The following DAB1 variants were observed in gnomAD, a reference collection of about 807,000 sequenced individuals.
The protein encoded by DAB1 is DAB adaptor protein 1, also known as disabled homolog 1.
A neutral mutation model predicts 64.6 loss-of-function variants in DAB1; 15 were observed. The ratio of observed to expected loss-of-function variants is 0.23; its 90% CI spans 0.16 to 0.36. The LOEUF is 0.36. Ranked by LOEUF, DAB1 falls within the 10% of genes least tolerant of loss-of-function variation. DAB1 has a pLI of 1.00. For synonymous variants in DAB1, 235 were observed against 251.9 expected (o/e 0.93, Z 0.64); for missense variants, 596 against 706.7 (o/e 0.84, Z 1.78).
chr1:57,629,228 A>G (rs1645958800), intron 7 of DAB1, among the ~76,000 whole-genome samples: 1 of 152,240 alleles, frequency 6.6e-6, no homozygotes, highest in Admixed American at 6.5e-5. Flanking sequence ...AGCTTACTTT[A>G]GAAAAGATTA....
At chr1:57,103,898 C>T (rs531122811) in intron 4 of DAB1, among the ~76,000 whole-genome samples, 97 of 152,086 alleles carry the variant, frequency 6.4e-4, no homozygotes, top group Admixed American at 1.1e-3. Flanking sequence ...TGACAATGAC[C>T]GCAGCTGACA....
chr1:57,056,495 A>G (rs1428843725), intron 9 of DAB1, among the ~76,000 whole-genome samples: 4 of 142,574 alleles, frequency 2.8e-5, no homozygotes, highest in Non-Finnish European at 6.1e-5. Flanking sequence ...ACAGAGTAAG[A>G]GCCTGTCTCA....
chr1:58,543,048 A>G (rs1359383458), intron 1 of DAB1, among the ~76,000 whole-genome samples: 1 of 152,118 alleles, frequency 6.6e-6, no homozygotes, highest in African/African-American at 2.4e-5. Context: ...TAGACAGAAG[A>G]TAAGTGAGAG....
intron 6 of DAB1, among the ~76,000 whole-genome samples, chr1:57,678,922 A>G (rs112701276): frequency 9.3e-6 from 1 of 107,864 alleles, no homozygotes; most frequent in African/African-American, 3.9e-5. Context: ...GCCTGCCACC[A>G]TGCCCGGCTA....
At chr1:57,449,589 G>A (rs1003179709) in intron 7 of DAB1, among the ~76,000 whole-genome samples, 1 of 152,030 alleles carries the variant, frequency 6.6e-6, no homozygotes, top group Admixed American at 6.6e-5. Flanking sequence ...ATGTTGCCCA[G>A]GCTGGTCTCA....
intron 7 of DAB1, among the ~76,000 whole-genome samples, chr1:57,457,878 AC>A (rs1241577441): frequency 6.6e-6 from 1 of 152,166 alleles, no homozygotes; most frequent in African/African-American, 2.4e-5. Flanking sequence ...AAGAATTAAA[AC>A]AGAAGCAATA....
At chr1:57,659,814 T>C (rs1646364530) in intron 6 of DAB1, among the ~76,000 whole-genome samples, 4 of 151,680 alleles carry the variant, frequency 2.6e-5, no homozygotes, top group Admixed American at 2.6e-4. Flanking sequence ...CCATCTCTAC[T>C]AAAAATACAA....
intron 5 of DAB1, among the ~76,000 whole-genome samples, chr1:58,035,049 A>G (rs1031135996): frequency 6.6e-6 from 1 of 152,158 alleles, no homozygotes; most frequent in Non-Finnish European, 1.5e-5. Context: ...CACTCTTGGG[A>G]GTTCTGAGAC....
intron 2 of DAB1, among the ~76,000 whole-genome samples, chr1:58,509,826 T>C (rs185407858): frequency 1.3e-5 from 2 of 152,060 alleles, no homozygotes; most frequent in East Asian, 3.9e-4. Flanking sequence ...CCATTGTAAC[T>C]GATACCATAC....
chr1:57,476,460 T>C (rs1241443843), intron 7 of DAB1, among the ~76,000 whole-genome samples: 1 of 152,114 alleles, frequency 6.6e-6, no homozygotes, highest in Admixed American at 6.6e-5. Flanking sequence ...AATTTATTAA[T>C]AAATTTATTA....
Position 57,680,579 on chromosome 1 carries a change from A to G in DAB1, n.552-30914T>C, listed in dbSNP as rs376939704. Among the ~76,000 whole-genome samples, 7 of 152,278 alleles carry G rather than the reference A, an allele frequency of 4.6e-5. No homozygotes were observed. The South Asian group carries it at 6.2e-4, about 14-fold the overall frequency. On this transcript the variant is annotated intron_variant and non_coding_transcript_variant, in intron 6 of 20. Coordinates refer to the DAB1 transcript ENST00000485760. ...CATATCACATCACTTCATCACTCCA[A>G]TGATTTGTTTTCAACAGTATCTCTC...
At chr1:57,524,588 C>T (rs1313911646) in intron 7 of DAB1, among the ~76,000 whole-genome samples, 1 of 152,094 alleles carries the variant, frequency 6.6e-6, no homozygotes, top group Non-Finnish European at 1.5e-5. Flanking sequence ...GGTTGGATCT[C>T]ACAAAGTACA....
intron 7 of DAB1, among the ~76,000 whole-genome samples, chr1:57,439,418 GTTTTTTCTTTTTT>G (rs1378845779): frequency 3.4e-5 from 4 of 116,140 alleles, no homozygotes; most frequent in Non-Finnish European, 5.1e-5. Flanking sequence ...TGGTGATGAG[GTTTTTTCTTTTTT>G]TTTTTTTTTT....
intron 5 of DAB1, among the ~76,000 whole-genome samples, chr1:58,095,421 C>G (rs1650921855): frequency 1.3e-5 from 2 of 152,162 alleles, no homozygotes; most frequent in African/African-American, 2.4e-5. Context: ...AGCTGACTAC[C>G]CATAGGTCAC....
intron 3 of DAB1, among the ~76,000 whole-genome samples, chr1:58,446,423 A>G (rs937660113): frequency 5.9e-5 from 9 of 152,216 alleles, no homozygotes; most frequent in African/African-American, 2.2e-4. Flanking sequence ...TTTTAAAATA[A>G]GGGTTTCCTT....
chr1:57,173,139 C>T (rs1228631714), intron 2 of DAB1, among the ~76,000 whole-genome samples: 1 of 152,102 alleles, frequency 6.6e-6, no homozygotes, highest in Non-Finnish European at 1.5e-5. Context: ...CCCTGGGTAC[C>T]AGCTACTTAC....
chr1:57,061,229 G>C (rs1344157805), intron 9 of DAB1, among the ~76,000 whole-genome samples: 2 of 10,804 alleles, frequency 1.9e-4, no homozygotes, highest in Non-Finnish European at 3.7e-4. Context: ...ATATTTAGAT[G>C]GGGGGGGGGG....
chr1:57,444,664 G>A (rs1022063369), intron 7 of DAB1, among the ~76,000 whole-genome samples: 1 of 152,182 alleles, frequency 6.6e-6, no homozygotes, highest in African/African-American at 2.4e-5. Flanking sequence ...AGAGAGAAGA[G>A]GAAGAGGTAA....
At chr1:57,338,157 G>A (rs1209904129) in intron 1 of DAB1, among the ~76,000 whole-genome samples, 2 of 151,978 alleles carry the variant, frequency 1.3e-5, no homozygotes, top group Admixed American at 6.6e-5. Flanking sequence ...GCTAATTTTT[G>A]CATTTTTAGT....
Sources: gnomAD v4.1 joint callset for allele counts (sites outside exome capture counted in the v4.1 genomes callset) on GRCh38, gnomAD v4.1.1 for gene constraint, MANE v1.5 for transcripts, NCBI Gene and HGNC (gene_info 2026-07-23, HGNC 2026-07-21) for gene names.